The following KLHL14 variants were observed in gnomAD, a reference collection of about 807,000 sequenced individuals.
The protein encoded by KLHL14 is kelch like family member 14.
KLHL14 carries 22 observed loss-of-function variants against 64.3 expected under a neutral mutation model. That is an observed-to-expected ratio of 0.34 (90% CI 0.24 to 0.49). KLHL14 has a LOEUF of 0.49. Ranked by LOEUF, KLHL14 falls within the 20% of genes least tolerant of loss-of-function variation. KLHL14 has a pLI of 0.99. For missense variants in KLHL14, 661 were observed against 789.0 expected (o/e 0.84, Z 1.94); for synonymous variants, 322 against 333.4 (o/e 0.97, Z 0.37).
At chr18:32,717,709 A>C (rs1456853662) in intron 3 of KLHL14, among the ~76,000 whole-genome samples, 2 of 152,140 alleles carry the variant, frequency 1.3e-5, no homozygotes, top group African/African-American at 2.4e-5. Context: ...AACATTTTCT[A>C]GTTCTTTCTG....
chr18:32,743,270 A>G (rs2050208255), intron 2 of KLHL14: 2 of 152,248 alleles, frequency 1.3e-5, no homozygotes, highest in African/African-American at 4.8e-5. Flanking sequence ...CGTGGCTCTG[A>G]ATCTATGATT....
At position 32,680,603 on chromosome 18, in the gene KLHL14, C is replaced by T. The variant is rs1555660117; in HGVS notation, c.1239-4G>A. ...ACATGCATAGAAACTGGCTCTTCTACAATGAAAAGAACCCACAGTAAATCA... is the reference window on the plus strand; with the variant it reads ...ACATGCATAGAAACTGGCTCTTCTATAATGAAAAGAACCCACAGTAAATCA... On this transcript the variant is annotated splice_polypyrimidine_tract_variant and splice_region_variant and intron_variant, in intron 5 of 8. Transcript: ENST00000359358. The surrounding 1 kb of genome is among the most constrained non-coding windows in gnomAD (Gnocchi z 4.8). 1.2e-6 allele frequency: 2 copies of T among 1,600,392 alleles called. No individual in the cohort carries two copies. The highest frequency in any genetic ancestry group is 1.7e-6 in the Non-Finnish European group (2 of 1,173,534).
At chr18:32,758,884 A>G (rs1319040499) in intron 2 of KLHL14, among the ~76,000 whole-genome samples, 2 of 152,200 alleles carry the variant, frequency 1.3e-5, no homozygotes, top group Non-Finnish European at 2.9e-5. Context: ...AGAATAGGCA[A>G]ATCTCCGGTG....
Position 32,770,033 on chromosome 18 carries a change from T to C in KLHL14, c.559A>G (p.Lys187Glu), listed in dbSNP as rs1272672842. Residue 187 changes from lysine (K) to glutamate (E), a missense_variant, in exon 2 of 9, where the codon AAG becomes GAG. Transcript: ENST00000359358. The surrounding 1 kb of genome is among the most constrained non-coding windows in gnomAD (Gnocchi z 6.7). Reference protein sequence around the residue: ...LNDQISVQNYKQVCKIAALHG... With the variant: ...LNDQISVQNYEQVCKIAALHG... Reference sequence around the variant, plus strand: ...AGCGCGGCGATCTTGCACACCTGCTTGTAGTTCTGCACCGAGATCTGGTCG... The same window carrying C: ...AGCGCGGCGATCTTGCACACCTGCTCGTAGTTCTGCACCGAGATCTGGTCG... 4 of 1,613,808 alleles carry C rather than the reference T, an allele frequency of 2.5e-6. No homozygotes were observed. The highest frequency in any genetic ancestry group is 3.4e-6 in the Non-Finnish European group (4 of 1,179,944).
chr18:32,758,757 A>C (rs544929232), intron 2 of KLHL14, among the ~76,000 whole-genome samples: 1 of 152,344 alleles, frequency 6.6e-6, no homozygotes, highest in Admixed American at 6.5e-5. Flanking sequence ...TCAGCCATAA[A>C]AATAAATGAA....
chr18:32,697,521 C>G (rs1282591860), intron 3 of KLHL14, among the ~76,000 whole-genome samples: 1 of 152,154 alleles, frequency 6.6e-6, no homozygotes, highest in Admixed American at 6.6e-5. Context: ...TTCTTTTAAA[C>G]TTTTGGTCAG....
rs1488963649 is a variant in KLHL14 at position 32,687,218 on chromosome 18, T to C, written c.1175A>G (p.Asn392Ser). The change falls in exon 5 of 9, where the codon AAT becomes AGT. Residue 392 changes from asparagine to serine, a missense_variant. Transcript: ENST00000359358. ...QWNPNGKHST[N>S]FVSRYDPRFN... ...TCGAGGATCATATCGGCTGACAAAA[T>C]TTGTACTGTGTTTTCCTGTAAAAAT... 16 of 1,613,714 alleles carry C rather than the reference T, an allele frequency of 9.9e-6. No homozygotes were observed. The highest frequency in any genetic ancestry group is 1.4e-5 in the Non-Finnish European group (16 of 1,179,636).
intron 2 of KLHL14, among the ~76,000 whole-genome samples, chr18:32,759,687 C>T (rs1269634004): frequency 1.4e-5 from 2 of 140,206 alleles, no homozygotes; most frequent in African/African-American, 2.7e-5. Context: ...AAGATATCTG[C>T]ATTATAACCT....
chr18:32,719,009 C>A (rs978066323), intron 3 of KLHL14, among the ~76,000 whole-genome samples: 1 of 152,132 alleles, frequency 6.6e-6, no homozygotes, highest in Non-Finnish European at 1.5e-5. Flanking sequence ...AGTGCAATGG[C>A]ACAATCTTGG....
chr18:32,682,402 A>G (rs1446756879), intron 5 of KLHL14, among the ~76,000 whole-genome samples: 1 of 152,220 alleles, frequency 6.6e-6, no homozygotes, highest in Non-Finnish European at 1.5e-5. Context: ...GAATAAAATA[A>G]AGAGAAGACG....
intron 1 of KLHL14, among the ~76,000 whole-genome samples, chr18:32,771,463 T>A (rs1208812864): frequency 6.6e-6 from 1 of 152,140 alleles, no homozygotes; most frequent in Non-Finnish European, 1.5e-5. Context: ...GTTTGGCTAA[T>A]TTTCCAGAGA....
intron 2 of KLHL14, among the ~76,000 whole-genome samples, chr18:32,769,158 A>T (rs912448525): frequency 1.3e-5 from 2 of 152,208 alleles, no homozygotes; most frequent in African/African-American, 2.4e-5. Context: ...CGGCAAGACC[A>T]TGAAAGCCTT....
At position 32,746,848 on chromosome 18, in the gene KLHL14, G is replaced by A. The variant is rs542609772; in HGVS notation, c.948-4799C>T. On this transcript the variant is annotated intron_variant, in intron 2 of 8. Coordinates refer to ENST00000359358, the MANE Select transcript of KLHL14 (RefSeq NM_020805.3). ...TAGCAAGTTACCAGGATCAACTGAAGGCATTAGAAATTTTGGATTCTTAGT... is the reference window on the plus strand; with the variant it reads ...TAGCAAGTTACCAGGATCAACTGAAAGCATTAGAAATTTTGGATTCTTAGT... Among the ~76,000 whole-genome samples the A allele has an allele frequency of 3.9e-5, 6 of 152,302 alleles. No individual in the cohort carries two copies. In the South Asian group the frequency reaches 1.2e-3, roughly 32 times the overall value.
chr18:32,756,066 T>C (rs2050279964), intron 2 of KLHL14, among the ~76,000 whole-genome samples: 1 of 152,170 alleles, frequency 6.6e-6, no homozygotes, highest in African/African-American at 2.4e-5. Flanking sequence ...TCCAAATTCA[T>C]GTGTTGAAGC....
chr18:32,715,701 A>G (rs1360164303), intron 3 of KLHL14, among the ~76,000 whole-genome samples: 1 of 152,096 alleles, frequency 6.6e-6, no homozygotes, highest in Non-Finnish European at 1.5e-5. Flanking sequence ...ATCTTTTTTG[A>G]TTAAGTAGTT....
chr18:32,693,095 T>C (rs1334848867), intron 4 of KLHL14, among the ~76,000 whole-genome samples: 1 of 152,176 alleles, frequency 6.6e-6, no homozygotes, highest in Admixed American at 6.5e-5. Flanking sequence ...GAATGCTGGC[T>C]GCTCATGGTC....
At chr18:32,712,255 C>G (rs1259295452) in intron 3 of KLHL14, among the ~76,000 whole-genome samples, 5 of 152,164 alleles carry the variant, frequency 3.3e-5, no homozygotes, top group Non-Finnish European at 7.4e-5. Flanking sequence ...CACATTTGTT[C>G]TTTCTCCTCA....
intron 3 of KLHL14, among the ~76,000 whole-genome samples, chr18:32,707,142 G>A (rs1222753757): frequency 6.6e-6 from 1 of 152,234 alleles, no homozygotes. Flanking sequence ...GCAGTAGGAT[G>A]TCTTCAGAAA....
intron 3 of KLHL14, among the ~76,000 whole-genome samples, chr18:32,723,016 T>C (rs1404459576): frequency 6.6e-6 from 1 of 151,698 alleles, no homozygotes; most frequent in African/African-American, 2.4e-5. Context: ...GTGTAGGGAA[T>C]GGGCATAGGA....
Sources: allele counts gnomAD v4.1 joint callset (sites outside exome capture counted in the v4.1 genomes callset), GRCh38; gene constraint gnomAD v4.1.1; non-coding constraint Gnocchi (gnomAD v3.1); transcripts MANE v1.5; gene names NCBI Gene and HGNC (gene_info 2026-07-23, HGNC 2026-07-21).